Variants in UMODL1 observed in about 807,000 individuals in gnomAD.
UMODL1 encodes uromodulin-like 1.
A neutral mutation model predicts 136.3 loss-of-function variants in UMODL1; 128 were observed. The observed-to-expected ratio is 0.94, with a 90% CI of 0.81 to 1.09. The LOEUF (loss-of-function observed/expected upper bound fraction) is 1.09, where lower values mean the gene tolerates loss of function less well. UMODL1 is among the 50% of genes least tolerant of loss of function. The pLI is 0.00. For synonymous variants in UMODL1, 721 were observed against 720.0 expected (o/e 1.00, Z -0.02); for missense variants, 1,766 against 1,725.6 (o/e 1.02, Z -0.41).
chr21:42,097,732 T>G (rs1027133192), intron 6 of UMODL1, among the ~76,000 whole-genome samples: 2 of 152,224 alleles, frequency 1.3e-5, no homozygotes, highest in African/African-American at 4.8e-5. Flanking sequence ...TAAATTCTGA[T>G]GTGAAAATTT....
At position 42,137,478 on chromosome 21, in the gene UMODL1, A is replaced by T. The variant is rs761979298; in HGVS notation, c.3815A>T (p.Tyr1272Phe). ...PHAEAGLGAGYVVLIVVAIFV... is the reference protein window; with the variant it reads ...PHAEAGLGAGFVVLIVVAIFV... Reference sequence around the variant, plus strand: ...GCAGAAGCAGGCCTGGGTGCCGGTTATGTGGTCCTTATTGTGGTGGCCATC... The same window carrying T: ...GCAGAAGCAGGCCTGGGTGCCGGTTTTGTGGTCCTTATTGTGGTGGCCATC... The change falls in exon 22 of 23, where the codon TAT (tyrosine) becomes TTT (phenylalanine). Residue 1272 changes from tyrosine (Y) to phenylalanine (F), a missense_variant. Transcript: ENST00000408910. 1 of 1,614,108 alleles carries T rather than the reference A, an allele frequency of 6.2e-7. No individual in the cohort carries two copies. The highest frequency in any genetic ancestry group is 1.3e-5 in the African/African-American group (1 of 74,938).
chr21:42,068,652 A>T (rs1569135779), upstream of UMODL1, among the ~76,000 whole-genome samples: 1 of 152,154 alleles, frequency 6.6e-6, no homozygotes, highest in Non-Finnish European at 1.5e-5. The surrounding 1 kb of genome is among the most constrained non-coding windows in gnomAD (Gnocchi z 5.5). Flanking sequence ...ATGCCCATAT[A>T]CATATGAGTG....
At chr21:42,075,640 G>C (rs2066281474) in intron 1 of UMODL1, among the ~76,000 whole-genome samples, 2 of 152,242 alleles carry the variant, frequency 1.3e-5, no homozygotes, top group African/African-American at 2.4e-5. Flanking sequence ...AGAACAAAGG[G>C]ACGTGATCTC....
At position 42,088,386 on chromosome 21, in the gene UMODL1, GGGCCTGCCAC is replaced by G; in HGVS notation, c.701_710del (p.Leu234HisfsTer21). 6.2e-7 allele frequency: 1 copy of G among 1,613,902 alleles called. No individual in the cohort carries two copies. The highest frequency in any genetic ancestry group is 8.5e-7 in the Non-Finnish European group (1 of 1,180,006). On this transcript the variant is annotated frameshift_variant, in exon 5 of 23. Transcript: ENST00000408910. LOFTEE classifies it high-confidence loss of function. ...CCACCACAGTGTCGCGGCTGCTACTGGGCCTGCCACGGCCACTGCCTGTGGCTGACGTCTC... is the reference window on the plus strand; with the variant it reads ...CCACCACAGTGTCGCGGCTGCTACTGGGCCACTGCCTGTGGCTGACGTCTC...
intron 6 of UMODL1, among the ~76,000 whole-genome samples, chr21:42,095,539 C>T (rs187708943): frequency 3.3e-5 from 5 of 152,200 alleles, no homozygotes; most frequent in Admixed American, 6.5e-5. Flanking sequence ...TTAGGGTGTA[C>T]CTGGGAAATC....
intron 12 of UMODL1, among the ~76,000 whole-genome samples, chr21:42,112,198 G>T (rs1165251734): frequency 2.7e-5 from 4 of 150,618 alleles, no homozygotes; most frequent in Non-Finnish European, 5.9e-5. Flanking sequence ...CAAGCATTCT[G>T]CAGCCCTGCA....
At chr21:42,063,655 T>C (rs2066159414) in intron 1 of UMODL1, among the ~76,000 whole-genome samples, 1 of 152,142 alleles carries the variant, frequency 6.6e-6, no homozygotes, top group East Asian at 1.9e-4. Context: ...GAGGAATCCC[T>C]CCCTCTAAGA....
chr21:42,102,855 C>G (rs2066653981), intron 8 of UMODL1: 1 of 152,738 alleles, frequency 6.5e-6, no homozygotes, highest in Admixed American at 6.5e-5. Context: ...ACACGAGACT[C>G]CTGGGCCAGA....
intron 2 of UMODL1, among the ~76,000 whole-genome samples, chr21:42,079,755 C>T (rs80075133): frequency 0.052 from 7,928 of 152,316 alleles, 247 homozygotes; most frequent in Middle Eastern, 0.082. Context: ...CCCGCGCCTC[C>T]ACCACCATGG....
At position 42,099,995 on chromosome 21, in the gene UMODL1, C is replaced by A. The variant is rs960163275; in HGVS notation, c.1186+815C>A. Among the ~76,000 whole-genome samples the A allele has an allele frequency of 3.9e-5, 6 of 152,298 alleles. No individual in the cohort carries two copies. The Middle Eastern group carries it at 0.01, about 259-fold the overall frequency. On this transcript the variant is annotated intron_variant, in intron 7 of 22. Transcript: ENST00000408910. This position sits in a 1 kb window ranked among gnomAD's most constrained non-coding sequence, Gnocchi z 4.1. The stretch of plus-strand genomic sequence containing the variant: ...CTTGGGGCTTGTGTCAGGAAGGCAG[C>A]CGGTGTGGCCCATCTGGGTCTGTCC...
chr21:42,125,884 G>C (rs917593082), intron 17 of UMODL1, among the ~76,000 whole-genome samples: 1 of 152,200 alleles, frequency 6.6e-6, no homozygotes, highest in Admixed American at 6.5e-5. Flanking sequence ...CCCAGGACTG[G>C]GGCCCTGGGC....
Position 42,113,738 on chromosome 21 carries a change from CG to C in UMODL1, c.2274del (p.Leu759TrpfsTer25). On this transcript the variant is annotated frameshift_variant, in exon 13 of 23. Transcript: ENST00000408910. LOFTEE classifies it high-confidence loss of function. ...LETWNTSVTL[S>X]GLEPGVLHLV... ...ACCTGGAACACGAGTGTGACACTGT[CG>C]GGGCTGGAGCCTGGGGTCTTGCACC... 1 of 1,614,040 alleles carries C rather than the reference CG, an allele frequency of 6.2e-7. No homozygotes were observed. The highest frequency in any genetic ancestry group is 8.5e-7 in the Non-Finnish European group (1 of 1,180,022).
chr21:42,134,678 G>A (rs2067179828), intron 21 of UMODL1, among the ~76,000 whole-genome samples: 1 of 152,010 alleles, frequency 6.6e-6, no homozygotes, highest in Non-Finnish European at 1.5e-5. Context: ...GCAGTGGTGC[G>A]ATCTCGGCTC....
intron 1 of UMODL1, among the ~76,000 whole-genome samples, chr21:42,073,712 G>A (rs2066257016): frequency 6.6e-6 from 1 of 152,160 alleles, no homozygotes; most frequent in South Asian, 2.1e-4. Flanking sequence ...AGGTTGCTGC[G>A]AGGTCCAAGG....
At chr21:42,139,803 A>G (rs1453722757) in intron 22 of UMODL1, among the ~76,000 whole-genome samples, 1 of 152,180 alleles carries the variant, frequency 6.6e-6, no homozygotes, top group African/African-American at 2.4e-5. Flanking sequence ...GGTCCCGTCT[A>G]TGCTGTAAGG....
intron 2 of UMODL1, among the ~76,000 whole-genome samples, chr21:42,079,146 GC>G (rs1347818102): frequency 3.3e-5 from 5 of 152,096 alleles, no homozygotes; most frequent in Admixed American, 2.0e-4. Flanking sequence ...CCTGGGGGAG[GC>G]TGATCAGCAG....
intron 3 of UMODL1, among the ~76,000 whole-genome samples, chr21:42,084,506 C>T (rs374072166): frequency 2.6e-5 from 4 of 152,242 alleles, no homozygotes; most frequent in East Asian, 3.9e-4. Context: ...AGCAGAGACC[C>T]GGATTTCCCA....
Position 42,095,097 on chromosome 21 carries a change from T to G in UMODL1, c.932-3829T>G, listed in dbSNP as rs978684709. 2.5e-5 allele frequency among the ~76,000 whole-genome samples: 3 copies of G among 122,142 alleles called. 1 individual carries two copies. The highest frequency in any genetic ancestry group is 6.3e-4 in the South Asian group (2 of 3,168). 80.1% of individuals were successfully genotyped at this position (122,142 alleles called of 152,430 possible). On this transcript the variant is annotated intron_variant, in intron 6 of 22. Coordinates refer to ENST00000408910, the MANE Select transcript of UMODL1 (RefSeq NM_001004416.3). ...CTTTGTTTTCTTCTGCTGTTTTTTT[T>G]TTTTTTTTTTTTTTTGAGACAGGGT... is the stretch of plus-strand genomic sequence containing the variant.
intron 6 of UMODL1, among the ~76,000 whole-genome samples, chr21:42,095,897 A>G (rs7280834): frequency 0.014 from 2,089 of 152,304 alleles, 24 homozygotes; most frequent in South Asian, 0.03. Context: ...ACCTGTAACC[A>G]TGTCGCTGAT....
Sources: allele counts gnomAD v4.1 joint callset (sites outside exome capture counted in the v4.1 genomes callset), GRCh38; gene constraint gnomAD v4.1.1; non-coding constraint Gnocchi (gnomAD v3.1); transcripts MANE v1.5; gene names NCBI Gene and HGNC (gene_info 2026-07-23, HGNC 2026-07-21).